The following PCM1 variants were observed in gnomAD, a reference collection of about 807,000 sequenced individuals.
The protein encoded by PCM1 is pericentriolar material 1.
Under a neutral mutation model 241.9 loss-of-function variants are expected in PCM1, and 157 were observed. That is an observed-to-expected ratio of 0.65 (90% CI 0.57 to 0.74). PCM1 has a LOEUF of 0.74. Ranked by LOEUF, PCM1 falls within the 30% of genes least tolerant of loss-of-function variation. The probability of loss-of-function intolerance (pLI) is 0.00; values close to 1 mark genes in which losing one functional copy is unlikely to be tolerated. For missense variants in PCM1, 3,478 were observed against 2,360.1 expected (o/e 1.47, Z -9.81); for synonymous variants, 1,085 against 784.9 (o/e 1.38, Z -6.39).
intron 6 of PCM1, among the ~76,000 whole-genome samples, chr8:17,943,676 C>G (rs527739891): frequency 6.6e-6 from 1 of 151,930 alleles, no homozygotes. Flanking sequence ...AAGGCTGTCT[C>G]GTTGTTCTGT....
At position 18,014,842 on chromosome 8, in the gene PCM1, T is replaced by A. The variant is rs372347949; in HGVS notation, c.5841+2T>A. 1.3e-5 allele frequency: 21 copies of A among 1,579,478 alleles called. No individual in the cohort carries two copies. Among genetic ancestry groups the A allele is most frequent in the Non-Finnish European group, 1.7e-5 (20 of 1,165,668 alleles). ...TCTCCAGTGTTAGTGAATGACTATG[T>A]ATGTATCATTTACATTTCCAAATAT... On this transcript the variant is annotated splice_donor_variant, in intron 36 of 38. Coordinates refer to ENST00000325083, the MANE Select transcript of PCM1 (RefSeq NM_006197.4). LOFTEE classifies it high-confidence loss of function.
In PCM1 at chr8:17,931,350, G is replaced by A. The variant is rs918897986; in HGVS notation, c.-22-4239G>A. 5.9e-5 allele frequency among the ~76,000 whole-genome samples: 9 copies of A among 151,678 alleles called. No individual in the cohort carries two copies. In the South Asian group the frequency reaches 8.3e-4, roughly 14 times the overall value. On this transcript the variant is annotated intron_variant, in intron 2 of 38. Coordinates refer to ENST00000325083, the MANE Select transcript of PCM1 (RefSeq NM_006197.4). The stretch of plus-strand genomic sequence containing the variant: ...CTTGCCCAGGCTGGAGTGCAGTGGC[G>A]TGATCTCAGCACACTGCAACCTCTG...
intron 2 of PCM1, chr8:17,927,481 A>G (rs1261619599): frequency 2.0e-5 from 3 of 152,138 alleles, no homozygotes; most frequent in African/African-American, 7.2e-5. Context: ...AACTGTAGTC[A>G]TAGGTATTTT....
intron 7 of PCM1, among the ~76,000 whole-genome samples, chr8:17,950,288 T>C (rs929816074): frequency 2.6e-5 from 4 of 152,216 alleles, no homozygotes; most frequent in African/African-American, 9.6e-5. Context: ...TTTTACACTA[T>C]CACTTTCCCT....
rs749018225 is a variant in PCM1 at position 17,960,004 on chromosome 8, G to T, written c.2041-10G>T. On this transcript the variant is annotated splice_polypyrimidine_tract_variant and intron_variant, in intron 13 of 38. Transcript: ENST00000325083. Reference sequence around the variant, plus strand: ...ATCAAGATTGTTTTAATGTAATGATGCTCTTTCAGGATGATGATGCAGCTC... The same window carrying T: ...ATCAAGATTGTTTTAATGTAATGATTCTCTTTCAGGATGATGATGCAGCTC... 1 of 1,611,064 alleles carries T rather than the reference G, an allele frequency of 6.2e-7. No individual in the cohort carries two copies. The highest frequency in any genetic ancestry group is 8.5e-7 in the Non-Finnish European group (1 of 1,178,488).
In PCM1 at chr8:17,977,700, TC is replaced by T. The variant is rs571077619; in HGVS notation, c.3944-2889del. On this transcript the variant is annotated intron_variant, in intron 23 of 38. Coordinates refer to ENST00000325083, the MANE Select transcript of PCM1 (RefSeq NM_006197.4). ...TTATTGAGTAAGTAGGTGGCAGTCT[TC>T]CTTAACCCTGTACATGGGAGAGCAT... 6.3e-4 allele frequency among the ~76,000 whole-genome samples: 96 copies of T among 152,262 alleles called. 1 individual carries two copies. In the South Asian group the frequency reaches 6.4e-3, roughly 10 times the overall value.
chr8:17,965,096 TA>T (rs2074320624), intron 18 of PCM1, among the ~76,000 whole-genome samples: 1 of 152,186 alleles, frequency 6.6e-6, no homozygotes, highest in Admixed American at 6.5e-5. Context: ...AAGACTTACT[TA>T]CGTTTCCTCA....
chr8:17,950,855 T>A, intron 8 of PCM1, 131 bp downstream of exon 8: 2 of 636,488 alleles, frequency 3.1e-6, no homozygotes, highest in South Asian at 3.9e-5. Context: ...ATTGGTGGGG[T>A]CCCCCCCACC....
At chr8:18,026,695 T>A (rs1221815230) in intron 38 of PCM1, among the ~76,000 whole-genome samples, 1 of 152,064 alleles carries the variant, frequency 6.6e-6, no homozygotes, top group Non-Finnish European at 1.5e-5. Flanking sequence ...CCTACCTCTC[T>A]CTCCTCCTCC....
At chr8:17,990,912 G>A (rs1254759298) in intron 27 of PCM1, among the ~76,000 whole-genome samples, 1 of 151,998 alleles carries the variant, frequency 6.6e-6, no homozygotes, top group East Asian at 1.9e-4. Context: ...TGCTTATTTG[G>A]GTCTGCATTG....
intron 2 of PCM1, among the ~76,000 whole-genome samples, chr8:17,934,268 C>CTT (rs34603700): frequency 7.2e-4 from 105 of 145,854 alleles, no homozygotes; most frequent in East Asian, 5.0e-3. Context: ...AATTTTTAAT[C>CTT]TTTTTTTTTT....
Position 17,953,104 on chromosome 8 carries a change from G to T in PCM1, c.1206G>T (p.Val402=), listed in dbSNP as rs1193217980. The T allele has an allele frequency of 6.2e-7, 1 of 1,600,080 alleles. No individual in the cohort carries two copies. The highest frequency in any genetic ancestry group is 8.5e-7 in the Non-Finnish European group (1 of 1,172,582). ...TCGAACTTTTTAGCAAAATGAGAGT[G>T]CTACAGGAAAAGAAACAAAAAATGG... ...EKVELFSKMR[V]LQEKKQKMDK... The change falls in exon 9 of 39, where the codon GTG becomes GTT. Residue 402 remains valine, a synonymous_variant. Transcript: ENST00000325083.
intron 20 of PCM1, 132 bp downstream of exon 20, chr8:17,966,605 A>G (rs900566557): frequency 4.3e-6 from 3 of 691,260 alleles, no homozygotes; most frequent in African/African-American, 1.8e-5. Context: ...TGAGAATTTT[A>G]TAAGTGGTGA....
chr8:17,960,522 T>C lies in PCM1; in HGVS notation c.2322+78T>C, dbSNP rs1431572517. ...GGTCAACTGAAAGTACTCTTTTTTGTTTTTGTTTTTCTTTTTTTTTGAGGC... is the reference window on the plus strand; with the variant it reads ...GGTCAACTGAAAGTACTCTTTTTTGCTTTTGTTTTTCTTTTTTTTTGAGGC... On this transcript the variant is annotated intron_variant, in intron 15 of 38. Coordinates refer to ENST00000325083, the MANE Select transcript of PCM1 (RefSeq NM_006197.4). 16 of 957,146 alleles carry C rather than the reference T, an allele frequency of 1.7e-5. No homozygotes were observed. In the East Asian group the frequency reaches 3.5e-4, roughly 21 times the overall value. The allele number at this position is 957,146 out of a possible 1,614,324, so 59.3% of individuals were successfully genotyped here.
In PCM1 at chr8:17,955,528, C is replaced by T. The variant is rs1010069736; in HGVS notation, c.1347C>T (p.Gly449=). The T allele has an allele frequency of 1.2e-6, 2 of 1,613,710 alleles. No individual in the cohort carries two copies. The highest frequency in any genetic ancestry group is 1.7e-5 in the Admixed American group (1 of 60,004). Residue 449 remains glycine (G), a synonymous_variant, in exon 10 of 39, where the codon GGC becomes GGT. Coordinates refer to ENST00000325083, the MANE Select transcript of PCM1 (RefSeq NM_006197.4). The part of the protein sequence containing the change: ...RSTSAPSASV[G]LAPVVNGESN... ...CTTCAGCTCCCTCTGCTTCTGTAGG[C>T]TTGGCACCGGTTGTCAATGGAGAAT...
intron 30 of PCM1, among the ~76,000 whole-genome samples, chr8:18,008,523 A>G (rs1225389342): frequency 3.9e-5 from 6 of 152,082 alleles, no homozygotes; most frequent in Non-Finnish European, 7.4e-5. Flanking sequence ...GTTGGGGGAA[A>G]AGTTGTCTTC....
intron 10 of PCM1, 27 bp from the exon 11 acceptor site, chr8:17,956,577 C>T (rs1362750276): frequency 1.4e-6 from 2 of 1,441,198 alleles, no homozygotes; most frequent in Non-Finnish European, 9.5e-7. Flanking sequence ...GGGTGTAAAT[C>T]GTATACATAA....
chr8:18,021,973 A>G (rs2093789463), intron 36 of PCM1, among the ~76,000 whole-genome samples: 1 of 152,218 alleles, frequency 6.6e-6, no homozygotes, highest in Non-Finnish European at 1.5e-5. Flanking sequence ...CCTACCAGTG[A>G]TGATCTATGA....
chr8:17,973,221 A>G (rs2237847), intron 23 of PCM1, among the ~76,000 whole-genome samples: 1 of 152,116 alleles, frequency 6.6e-6, no homozygotes, highest in Non-Finnish European at 1.5e-5. Flanking sequence ...AAATTTTTTT[A>G]AAATTTTCTT....
Sources: allele counts gnomAD v4.1 joint callset (sites outside exome capture counted in the v4.1 genomes callset), GRCh38; gene constraint gnomAD v4.1.1; transcripts MANE v1.5; gene names NCBI Gene and HGNC (gene_info 2026-07-23, HGNC 2026-07-21).